CSGALNACT1: variants seen among roughly 807,000 people sequenced by gnomAD.
CSGALNACT1 encodes the protein beta4GalNAcT-1.
Under a neutral mutation model 51.0 loss-of-function variants are expected in CSGALNACT1, and 52 were observed. The observed-to-expected ratio is 1.02, with a 90% CI of 0.82 to 1.29. CSGALNACT1 has a LOEUF of 1.29. Ranked by LOEUF, CSGALNACT1 falls within the 50% of genes most tolerant of loss-of-function variation. The pLI is 0.00. For synonymous variants in CSGALNACT1, 341 were observed against 254.4 expected, an observed-to-expected ratio of 1.34 and a Z score of -3.24; for missense variants, 935 against 679.2, an observed-to-expected ratio of 1.38 and a Z score of -4.19.
chr8:19,564,547 C>G (rs934273980), intron 3 of CSGALNACT1, among the ~76,000 whole-genome samples: 9 of 152,130 alleles, frequency 5.9e-5, no homozygotes, highest in Non-Finnish European at 1.5e-5. Flanking sequence ...CACATTTTGG[C>G]TCCTCGAAGC....
At chr8:19,523,013 A>C (rs1350611147) in intron 3 of CSGALNACT1, among the ~76,000 whole-genome samples, 1 of 152,190 alleles carries the variant, frequency 6.6e-6, no homozygotes, top group East Asian at 1.9e-4. Context: ...CATGTGAAAG[A>C]TAAGTTGGAA....
At chr8:19,561,655 C>A (rs919849009) in intron 3 of CSGALNACT1, among the ~76,000 whole-genome samples, 1 of 152,220 alleles carries the variant, frequency 6.6e-6, no homozygotes, top group Non-Finnish European at 1.5e-5. Context: ...AAAACAAGTA[C>A]ATGGCAGAAG....
chr8:19,435,461 C>G (rs1011674608), intron 6 of CSGALNACT1, among the ~76,000 whole-genome samples: 1 of 150,718 alleles, frequency 6.6e-6, no homozygotes, highest in Non-Finnish European at 1.5e-5. Flanking sequence ...CCACTGCACT[C>G]CAGCCTGGTA....
chr8:19,753,152 C>G (rs2065146284), intron 1 of CSGALNACT1, among the ~76,000 whole-genome samples: 1 of 152,184 alleles, frequency 6.6e-6, no homozygotes, highest in African/African-American at 2.4e-5. Context: ...GAGGATAAGC[C>G]AAACTCTTGC....
At chr8:19,680,723 A>T (rs2060554153) in intron 1 of CSGALNACT1, among the ~76,000 whole-genome samples, 1 of 152,114 alleles carries the variant, frequency 6.6e-6, no homozygotes, top group Non-Finnish European at 1.5e-5. Flanking sequence ...GGTCTGAGAG[A>T]TCTATCATTA....
chr8:19,410,876 G>C (rs966098543), intron 8 of CSGALNACT1, among the ~76,000 whole-genome samples: 4 of 152,218 alleles, frequency 2.6e-5, no homozygotes, highest in African/African-American at 9.6e-5. Context: ...CCTCAGTCGA[G>C]GTTCCACCAC....
In CSGALNACT1 at chr8:19,405,702, G is replaced by A. The variant is rs764862226; in HGVS notation, c.*78C>T. On this transcript the variant is annotated 3_prime_UTR_variant, in exon 10 of 10. Coordinates refer to ENST00000454498, the Ensembl canonical transcript of CSGALNACT1. ...AATTCTTTTGTCGTCCTTTATGGAA[G>A]TCTTTTCTCTGTTGCAGCCACTTTC... 1.9e-6 allele frequency: 3 copies of A among 1,571,294 alleles called. No homozygotes were observed. In the South Asian group the frequency reaches 3.3e-5, roughly 18 times the overall value.
intron 4 of CSGALNACT1, among the ~76,000 whole-genome samples, chr8:19,488,975 AT>A (rs2073759577): frequency 6.6e-6 from 1 of 152,152 alleles, no homozygotes; most frequent in South Asian, 2.1e-4. Flanking sequence ...ATATGCAGTT[AT>A]TATTATGCGC....
intron 1 of CSGALNACT1, among the ~76,000 whole-genome samples, chr8:19,676,083 T>TAAAAAAAAAAAAAAAAAAAAA (rs1564404826): frequency 3.4e-5 from 2 of 59,098 alleles, no homozygotes; most frequent in Admixed American, 1.7e-4. Flanking sequence ...GTTGTCTGAT[T>TAAAAAAAAAAAAAAAAAAAAA]TAAAAAACAA....
intron 1 of CSGALNACT1, among the ~76,000 whole-genome samples, chr8:19,710,670 T>A (rs1458083625): frequency 6.6e-6 from 1 of 152,228 alleles, no homozygotes; most frequent in Non-Finnish European, 1.5e-5. Flanking sequence ...TGAGAACATG[T>A]TTGAAGGGTA....
intron 1 of CSGALNACT1, among the ~76,000 whole-genome samples, chr8:19,676,919 GC>G (rs2060235012): frequency 2.0e-5 from 3 of 152,158 alleles, no homozygotes; most frequent in Admixed American, 2.0e-4. Context: ...AGAACTGAGA[GC>G]AACCAACCAA....
At chr8:19,746,372 C>T (rs994185665) in intron 1 of CSGALNACT1, among the ~76,000 whole-genome samples, 1 of 152,098 alleles carries the variant, frequency 6.6e-6, no homozygotes, top group Non-Finnish European at 1.5e-5. Flanking sequence ...ATAAGGGGCA[C>T]CTAAAACTAT....
intron 1 of CSGALNACT1, among the ~76,000 whole-genome samples, chr8:19,676,144 A>G (rs2060176879): frequency 6.6e-6 from 1 of 151,596 alleles, no homozygotes; most frequent in Non-Finnish European, 1.5e-5. Context: ...AGTTTACACA[A>G]GATAACATTC....
At chr8:19,567,755 A>G (rs1393016290) in intron 3 of CSGALNACT1, among the ~76,000 whole-genome samples, 2 of 152,210 alleles carry the variant, frequency 1.3e-5, no homozygotes, top group Non-Finnish European at 2.9e-5. Context: ...AATCCAAATG[A>G]AAACACATAT....
At chr8:19,653,507 G>T (rs1458504827) in intron 1 of CSGALNACT1, among the ~76,000 whole-genome samples, 1 of 152,096 alleles carries the variant, frequency 6.6e-6, no homozygotes, top group Non-Finnish European at 1.5e-5. Context: ...ACAATCTTCA[G>T]CTGCGGCCAG....
At chr8:19,704,421 A>T (rs1357019132) in intron 1 of CSGALNACT1, among the ~76,000 whole-genome samples, 1 of 152,254 alleles carries the variant, frequency 6.6e-6, no homozygotes, top group African/African-American at 2.4e-5. Flanking sequence ...AAAGTCAAAA[A>T]TATCAAGTGT....
chr8:19,538,652 G>A (rs775022900), intron 3 of CSGALNACT1, among the ~76,000 whole-genome samples: 39 of 152,244 alleles, frequency 2.6e-4, no homozygotes, highest in African/African-American at 8.4e-4. Context: ...GAGGGAGACC[G>A]GGGGAGGTAC....
intron 1 of CSGALNACT1, among the ~76,000 whole-genome samples, chr8:19,716,387 T>A (rs1250340753): frequency 1.3e-5 from 2 of 152,110 alleles, no homozygotes; most frequent in Non-Finnish European, 2.9e-5. Context: ...CTTGGCTTTT[T>A]ATTACATATT....
intron 5 of CSGALNACT1, among the ~76,000 whole-genome samples, chr8:19,451,108 T>C (rs1026152941): frequency 1.3e-5 from 2 of 152,144 alleles, no homozygotes; most frequent in Non-Finnish European, 2.9e-5. Flanking sequence ...CTGAGGAATA[T>C]CATTTATTTG....
Sources: gnomAD v4.1 joint callset for allele counts (sites outside exome capture counted in the v4.1 genomes callset) on GRCh38, gnomAD v4.1.1 for gene constraint, MANE v1.5 for transcripts, NCBI Gene and HGNC (gene_info 2026-07-23, HGNC 2026-07-21) for gene names.